The following MPP7 variants were observed in gnomAD, a reference collection of about 807,000 sequenced individuals.
The protein encoded by MPP7 is MAGUK p55 scaffold protein 7, also known as MAGUK p55 subfamily member 7.
MPP7 carries 60 observed loss-of-function variants against 76.5 expected under a neutral mutation model. The ratio of observed to expected loss-of-function variants is 0.78; its 90% confidence interval spans 0.64 to 0.97. The LOEUF (loss-of-function observed/expected upper bound fraction) is 0.97. MPP7 is among the 50% of genes least tolerant of loss of function. The pLI, the probability that MPP7 is intolerant of heterozygous loss-of-function variation, is 0.00. For synonymous variants in MPP7, 237 were observed against 244.5 expected (o/e 0.97, Z 0.29); for missense variants, 641 against 694.0 (o/e 0.92, Z 0.86).
intron 8 of MPP7, among the ~76,000 whole-genome samples, chr10:28,122,713 T>A (rs975653091): frequency 6.6e-6 from 1 of 152,170 alleles, no homozygotes; most frequent in Admixed American, 6.5e-5. Context: ...TCTGTAAATG[T>A]TTTTCTTATT....
intron 1 of MPP7, chr10:28,280,229 G>T (rs1482851334): frequency 6.6e-6 from 1 of 152,008 alleles, no homozygotes; most frequent in Non-Finnish European, 1.5e-5. Flanking sequence ...TTATACAGTC[G>T]TTCCTCTGTA....
chr10:28,092,033 T>C (rs543255552), intron 11 of MPP7, among the ~76,000 whole-genome samples: 2 of 152,294 alleles, frequency 1.3e-5, no homozygotes, highest in African/African-American at 4.8e-5. Flanking sequence ...AAATGAATAA[T>C]TGTTACCATT....
intron 1 of MPP7, among the ~76,000 whole-genome samples, chr10:28,274,273 T>C (rs1393954906): frequency 6.6e-6 from 1 of 151,616 alleles, no homozygotes; most frequent in Non-Finnish European, 1.5e-5. Context: ...CGGCTAATTT[T>C]TTGTATTTTT....
Position 28,069,754 on chromosome 10 carries a change from G to C in MPP7, c.1204+18C>G. 2 of 1,595,596 alleles carry C rather than the reference G, an allele frequency of 1.3e-6. No individual in the cohort carries two copies. Among genetic ancestry groups the C allele is most frequent in the South Asian group, 1.1e-5 (1 of 90,202 alleles). On this transcript the variant is annotated intron_variant, in intron 13 of 16. Transcript: ENST00000683449. The stretch of plus-strand genomic sequence containing the variant: ...TCGTAAGTGTAGTCATAGGAACACT[G>C]AGTAGCGCAGAACTCACGGGGCACT...
chr10:28,217,816 A>G (rs926962799), intron 2 of MPP7, among the ~76,000 whole-genome samples: 1 of 152,192 alleles, frequency 6.6e-6, no homozygotes, highest in African/African-American at 2.4e-5. Flanking sequence ...ATGTTTGTCA[A>G]ACAATAGAGA....
chr10:28,306,476 C>T (rs1841256366), upstream of MPP7, among the ~76,000 whole-genome samples: 2 of 152,018 alleles, frequency 1.3e-5, no homozygotes, highest in African/African-American at 4.8e-5. Context: ...CATAGCAAGA[C>T]ATCTTTACAA....
At chr10:28,267,596 T>C (rs970843329) in intron 1 of MPP7, among the ~76,000 whole-genome samples, 1 of 152,172 alleles carries the variant, frequency 6.6e-6, no homozygotes, top group African/African-American at 2.4e-5. Context: ...TTAGGGATGC[T>C]TGAGCAACTG....
Position 28,202,178 on chromosome 10 carries a change from T to C in MPP7, c.131A>G (p.Glu44Gly). Residue 44 changes from glutamate (E) to glycine (G), a missense_variant, in exon 3 of 17, where the codon GAA becomes GGA. Physicochemically the swap from Glu to Gly is moderately conservative, Grantham distance 98. Coordinates refer to ENST00000683449, the MANE Select transcript of MPP7 (RefSeq NM_001318170.2). ...CTTTACCAATGAATGCAGGCTTTTT[T>C]CACCAAACATATCCCAGAGGAAGGT... is the stretch of plus-strand genomic sequence containing the variant. ...DLTFLWDMFG[E>G]KSLHSLVKIH... is the part of the protein sequence containing the mutation. The C allele has an allele frequency of 6.2e-7, 1 of 1,613,552 alleles. No homozygotes were observed. The highest frequency in any genetic ancestry group is 8.5e-7 in the Non-Finnish European group (1 of 1,179,506).
At chr10:28,130,143 GA>G (rs34870924) in intron 6 of MPP7, among the ~76,000 whole-genome samples, 18,469 of 151,948 alleles carry the variant, frequency 0.12, 1,522 homozygotes, top group East Asian at 0.32. Context: ...ATATTAGATG[GA>G]ATATATTCTA....
chr10:28,161,065 T>C (rs1016971530), intron 3 of MPP7, among the ~76,000 whole-genome samples: 1 of 152,198 alleles, frequency 6.6e-6, no homozygotes, highest in African/African-American at 2.4e-5. Context: ...CTCAGCGATT[T>C]ATAACATGGT....
intron 5 of MPP7, among the ~76,000 whole-genome samples, chr10:28,140,178 C>G (rs1835468863): frequency 6.6e-6 from 1 of 152,128 alleles, no homozygotes. Context: ...ACAAGCGTGA[C>G]AGCTAAGGAG....
chr10:28,183,591 C>G (rs1208570223), intron 3 of MPP7, among the ~76,000 whole-genome samples: 1 of 152,104 alleles, frequency 6.6e-6, no homozygotes, highest in Non-Finnish European at 1.5e-5. Flanking sequence ...AGTTCAGGAG[C>G]AGCTTGGGCA....
intron 1 of MPP7, among the ~76,000 whole-genome samples, chr10:28,294,299 T>C (rs893702770): frequency 5.3e-5 from 8 of 152,138 alleles, no homozygotes; most frequent in African/African-American, 1.9e-4. Flanking sequence ...AGAGCAAGAC[T>C]CCGTCTCGAG....
chr10:28,133,485 A>G (rs561006349), intron 5 of MPP7, among the ~76,000 whole-genome samples: 2 of 152,204 alleles, frequency 1.3e-5, no homozygotes, highest in Non-Finnish European at 2.9e-5. Flanking sequence ...TTGCCTTCAT[A>G]CATGTCCATA....
chr10:28,297,514 C>T (rs569138167), intron 1 of MPP7, among the ~76,000 whole-genome samples: 1 of 152,284 alleles, frequency 6.6e-6, no homozygotes, highest in South Asian at 2.1e-4. Context: ...GCCTGGTCAA[C>T]AGAGTGAAAC....
intron 11 of MPP7, among the ~76,000 whole-genome samples, chr10:28,092,595 C>CTTTTTTTTTTT (rs1853364881): frequency 1.5e-5 from 1 of 66,332 alleles, no homozygotes. Flanking sequence ...TTTTTTGAGA[C>CTTTTTTTTTTT]AGGGACTGGC....
At chr10:28,212,811 G>A (rs570191946) in intron 2 of MPP7, among the ~76,000 whole-genome samples, 57 of 152,174 alleles carry the variant, frequency 3.7e-4, no homozygotes, top group African/African-American at 1.3e-3. Context: ...AGAACTAAGC[G>A]TTGGATTTAG....
intron 12 of MPP7, 93 bp downstream of exon 12, chr10:28,089,578 T>C: frequency 8.3e-7 from 1 of 1,211,034 alleles, no homozygotes; most frequent in East Asian, 2.4e-5. Flanking sequence ...AGGAGATTTT[T>C]AGCTTGAAAA....
rs77401688 is a variant in MPP7 at position 28,228,270 on chromosome 10, C to T, written c.37+10298G>A. On this transcript the variant is annotated intron_variant, in intron 2 of 16. Coordinates refer to ENST00000683449, the MANE Select transcript of MPP7 (RefSeq NM_001318170.2). ...ATGACACTGACGATATCAGTAAAATCCACTTTTGTTTTTTAAACTGGATTC... is the reference window on the plus strand; with the variant it reads ...ATGACACTGACGATATCAGTAAAATTCACTTTTGTTTTTTAAACTGGATTC... 4.4e-3 allele frequency among the ~76,000 whole-genome samples: 672 copies of T among 152,118 alleles called. 9 individuals are homozygous for T. Among genetic ancestry groups the T allele is most frequent in the African/African-American group, 0.015 (632 of 41,492 alleles).
Sources: allele counts gnomAD v4.1 joint callset (sites outside exome capture counted in the v4.1 genomes callset), GRCh38; gene constraint gnomAD v4.1.1; transcripts MANE v1.5; gene names NCBI Gene and HGNC (gene_info 2026-07-23, HGNC 2026-07-21).